Variants in BRK1 observed in about 807,000 individuals in gnomAD.
The protein encoded by BRK1 is BRICK1 subunit of SCAR/WAVE actin nucleating complex.
In BRK1, 6 loss-of-function variants were observed where a neutral mutation model predicts 9.9. The observed-to-expected ratio is 0.60, with a 90% CI of 0.33 to 1.19. The LOEUF is 1.19. Ranked by LOEUF, BRK1 falls within the 50% of genes most tolerant of loss-of-function variation. BRK1 has a pLI of 0.04. For missense variants in BRK1, 62 were observed against 97.5 expected (o/e 0.64, Z 1.53); for synonymous variants, 44 against 31.9 (o/e 1.38, Z -1.28).
Position 10,115,691 on chromosome 3 carries a change from A to AGGC in BRK1, c.-4_-2dup. 6.2e-7 allele frequency: 1 copy of AGGC among 1,611,534 alleles called. No homozygotes were observed. The highest frequency in any genetic ancestry group is 1.1e-5 in the South Asian group (1 of 91,018). ...GGCGCCTGCGCAGTCGCTCTTCCTC[A>AGGC]GGCGGCGGCCATGGCGGGACAGGAG... On this transcript the variant is annotated 5_prime_UTR_variant, in exon 1 of 3. Transcript: ENST00000530758.
intron 1 of BRK1, among the ~76,000 whole-genome samples, chr3:10,122,492 G>C (rs970616969): frequency 6.6e-6 from 1 of 151,974 alleles, no homozygotes; most frequent in Non-Finnish European, 1.5e-5. Context: ...GATTGCTTGA[G>C]TTCAGGAGTT....
At chr3:10,124,037 G>C (rs994421068) in intron 1 of BRK1, among the ~76,000 whole-genome samples, 1 of 151,758 alleles carries the variant, frequency 6.6e-6, no homozygotes, top group Non-Finnish European at 1.5e-5. Flanking sequence ...GCCCAGCCTC[G>C]TTTCTTTCCT....
chr3:10,120,890 A>G (rs1253030255), intron 1 of BRK1, among the ~76,000 whole-genome samples: 1 of 152,160 alleles, frequency 6.6e-6, no homozygotes, highest in Non-Finnish European at 1.5e-5. Flanking sequence ...TAATTTTCGT[A>G]TGTCTTCATG....
Position 10,115,711 on chromosome 3 carries a change from C to T in BRK1, c.10C>T (p.Gln4Ter), listed in dbSNP as rs758338793. ...TCCTCAGGCGGCGGCCATGGCGGGA[C>T]AGGAGGATCCGGTGCAGCGGGAGAT... MAG[Q>*]EDPVQREIHQ... is the part of the protein sequence containing the mutation. The change falls in exon 1 of 3, where the codon CAG becomes TAG. Residue 4 changes from glutamine to a stop codon, truncating the protein, a stop_gained. Transcript: ENST00000530758. LOFTEE classifies it high-confidence loss of function. 2 of 1,613,806 alleles carry T rather than the reference C, an allele frequency of 1.2e-6. No homozygotes were observed. Among genetic ancestry groups the T allele is most frequent in the Non-Finnish European group, 1.7e-6 (2 of 1,179,740 alleles).
chr3:10,125,777 A>C, intron 2 of BRK1, 69 bp downstream of exon 2: 1 of 1,161,890 alleles, frequency 8.6e-7, no homozygotes, highest in East Asian at 2.5e-5. Flanking sequence ...AAAAACCTGA[A>C]AGCAGAAACA....
intron 1 of BRK1, among the ~76,000 whole-genome samples, chr3:10,123,297 T>G (rs947487549): frequency 6.6e-6 from 1 of 152,198 alleles, no homozygotes; most frequent in African/African-American, 2.4e-5. Flanking sequence ...ATCGGGTATT[T>G]GATGCTCTCC....
intron 1 of BRK1, among the ~76,000 whole-genome samples, chr3:10,119,523 C>T (rs981239736): frequency 2.0e-5 from 3 of 152,100 alleles, no homozygotes; most frequent in African/African-American, 7.2e-5. Context: ...ATTCTGTAGT[C>T]CTTACCCTGA....
In BRK1 at chr3:10,122,663, G is replaced by C. The variant is rs59074548; in HGVS notation, c.119-2963G>C. 0.16 allele frequency among the ~76,000 whole-genome samples: 24,827 copies of C among 152,036 alleles called. 2,562 individuals carry two copies. The highest frequency in any genetic ancestry group is 0.29 in the African/African-American group (12,038 of 41,420). On this transcript the variant is annotated intron_variant, in intron 1 of 2. Transcript: ENST00000530758. Reference sequence around the variant, plus strand: ...TTGAACCTAGGAGTTGGAGGGTGCAGTAAGCTATGATTGCAACACTGAACT... The same window carrying C: ...TTGAACCTAGGAGTTGGAGGGTGCACTAAGCTATGATTGCAACACTGAACT...
intron 1 of BRK1, among the ~76,000 whole-genome samples, chr3:10,120,170 C>CA (rs1365598931): frequency 6.6e-6 from 1 of 151,776 alleles, no homozygotes; most frequent in African/African-American, 2.4e-5. Flanking sequence ...GCTGGGACTA[C>CA]AGGCATGCGC....
chr3:10,126,455 GGGTGT>G lies in BRK1; in HGVS notation c.*169_*173del. 3.2e-6 allele frequency: 2 copies of G among 617,950 alleles called. No individual in the cohort carries two copies. Among genetic ancestry groups the G allele is most frequent in the Non-Finnish European group, 5.5e-6 (2 of 364,494 alleles). 38.3% of individuals were successfully genotyped at this position (617,950 alleles called of 1,614,324 possible). On this transcript the variant is annotated 3_prime_UTR_variant, in exon 3 of 3. Coordinates refer to ENST00000530758, the MANE Select transcript of BRK1 (RefSeq NM_018462.5). ...TGTGGCCTTTGGGCTCTGCCATCTG[GGGTGT>G]GGTGTGGTATGTGGGAAGAAGTTCA...
intron 1 of BRK1, among the ~76,000 whole-genome samples, chr3:10,118,876 C>G (rs1695720167): frequency 6.6e-6 from 1 of 152,164 alleles, no homozygotes; most frequent in Non-Finnish European, 1.5e-5. Flanking sequence ...GGTAGCAAAA[C>G]CAACCTCTCT....
At chr3:10,125,105 G>T (rs371025665) in intron 1 of BRK1, among the ~76,000 whole-genome samples, 12 of 152,182 alleles carry the variant, frequency 7.9e-5, no homozygotes, top group African/African-American at 2.6e-4. Flanking sequence ...AGGGATTAGA[G>T]AAAGGACTTT....
rs71613886 is a variant in BRK1, at chr3:10,123,656, C to CTG, written c.119-1970_119-1969insTG. On this transcript the variant is annotated intron_variant, in intron 1 of 2. Coordinates refer to ENST00000530758, the MANE Select transcript of BRK1 (RefSeq NM_018462.5). ...TCATTGTGTTAGCCAGGATGGTCTC[C>CTG]ATCTCCTGACCTCGTGATCCACTGC... Among the ~76,000 whole-genome samples the CTG allele has an allele frequency of 1, 133,848 of 133,952 alleles. 66,872 individuals are homozygous for CTG. The highest frequency in any genetic ancestry group is 1 in the Middle Eastern group (274 of 274). 87.9% of individuals were successfully genotyped at this position (133,952 alleles called of 152,430 possible).
chr3:10,117,789 C>T (rs1695706988), intron 1 of BRK1, among the ~76,000 whole-genome samples: 1 of 152,092 alleles, frequency 6.6e-6, no homozygotes, highest in Admixed American at 6.6e-5. Context: ...TCATTATCCT[C>T]CCTTAAAGTG....
chr3:10,127,133 C>A lies in BRK1; in HGVS notation c.*838C>A, dbSNP rs986556660. On this transcript the variant is annotated 3_prime_UTR_variant, in exon 3 of 3. Coordinates refer to ENST00000530758, the MANE Select transcript of BRK1 (RefSeq NM_018462.5). ...TCATTTGGTCATTCAGCACATTTAC[C>A]AAGTATTTACTATGTAGGCATGTTA... 1 of 152,186 alleles carries A rather than the reference C, an allele frequency of 6.6e-6. No homozygotes were observed. The highest frequency in any genetic ancestry group is 1.5e-5 in the Non-Finnish European group (1 of 68,038). The allele number at this position is 152,186 out of a possible 1,614,324, so 9.4% of individuals were successfully genotyped here. A position where few individuals can be genotyped will look rare whatever the true frequency, so the allele number is the denominator to read the frequency against.
At chr3:10,119,226 G>A (rs578025007) in intron 1 of BRK1, among the ~76,000 whole-genome samples, 1 of 152,066 alleles carries the variant, frequency 6.6e-6, no homozygotes, top group Admixed American at 6.6e-5. Context: ...GGAGGCCGAG[G>A]CAGGTGAATC....
chr3:10,119,685 A>G (rs79106941), intron 1 of BRK1, among the ~76,000 whole-genome samples: 6,111 of 152,270 alleles, frequency 0.04, 125 homozygotes, highest in South Asian at 0.064. Context: ...TACAAATCGT[A>G]ATGTAGCAAA....
At chr3:10,123,822 G>A (rs1229904017) in intron 1 of BRK1, among the ~76,000 whole-genome samples, 6 of 122,682 alleles carry the variant, frequency 4.9e-5, no homozygotes, top group African/African-American at 9.2e-5. Flanking sequence ...TGCAACCTCC[G>A]CCTCCCAGGT....
chr3:10,119,017 T>C (rs186698699), intron 1 of BRK1, among the ~76,000 whole-genome samples: 10 of 146,974 alleles, frequency 6.8e-5, no homozygotes, highest in Admixed American at 4.0e-4. Flanking sequence ...TTGTTTGTTT[T>C]GTTTGTTTTT....
Sources: allele counts gnomAD v4.1 joint callset (sites outside exome capture counted in the v4.1 genomes callset), GRCh38; gene constraint gnomAD v4.1.1; transcripts MANE v1.5; gene names NCBI Gene and HGNC (gene_info 2026-07-23, HGNC 2026-07-21).